The following RUNX1T1 variants were observed in gnomAD, a reference collection of about 807,000 sequenced individuals.
RUNX1T1 encodes protein CBFA2T1.
RUNX1T1 carries 4 observed loss-of-function variants against 62.8 expected under a neutral mutation model. The observed-to-expected ratio is 0.06, with a 90% confidence interval of 0.03 to 0.15. RUNX1T1 has a LOEUF of 0.15. RUNX1T1 is among the 10% of genes least tolerant of loss of function. The pLI is 1.00. For synonymous variants in RUNX1T1, 291 were observed against 286.0 expected (o/e 1.02, Z -0.18); for missense variants, 508 against 754.3 (o/e 0.67, Z 3.82).
At chr8:92,002,445 T>C (rs1819945504) in intron 5 of RUNX1T1, among the ~76,000 whole-genome samples, 2 of 152,138 alleles carry the variant, frequency 1.3e-5, no homozygotes, top group African/African-American at 4.8e-5. Context: ...CAATCATATT[T>C]AAGGACAAGA....
Position 92,005,351 on chromosome 8 carries a change from G to A in RUNX1T1, c.478-54C>T, listed in dbSNP as rs1477791956. ...CGGACTGAAAGTTTTCTTCTGTCCT[G>A]TTGACTTACTCTGCTTTTCGAACAC... On this transcript the variant is annotated intron_variant, in intron 4 of 10. Transcript: ENST00000396218. 6 of 1,513,698 alleles carry A rather than the reference G, an allele frequency of 4.0e-6. No individual in the cohort carries two copies. In the South Asian group the frequency reaches 7.0e-5, roughly 18 times the overall value. 93.8% of individuals were successfully genotyped at this position (1,513,698 alleles called of 1,614,324 possible).
chr8:91,960,245 G>C, exon 11 of RUNX1T1: 1 of 1,607,900 alleles, frequency 6.2e-7, no homozygotes, highest in Non-Finnish European at 8.5e-7. Context: ...TTCACGTCTA[G>C]CGAGGGGTTG....
At chr8:91,996,381 T>C (rs908259352) in intron 5 of RUNX1T1, among the ~76,000 whole-genome samples, 2 of 152,070 alleles carry the variant, frequency 1.3e-5, no homozygotes, top group Non-Finnish European at 2.9e-5. Context: ...TTTTGTATTT[T>C]TAGTAGAGAC....
At position 92,077,179 on chromosome 8, in the gene RUNX1T1, T is replaced by C. The variant is rs551285877; in HGVS notation, c.-85-1042A>G. Among the ~76,000 whole-genome samples, 56 of 152,260 alleles carry C rather than the reference T, an allele frequency of 3.7e-4. 1 individual carries two copies. Among genetic ancestry groups the C allele is most frequent in the African/African-American group, 1.3e-3 (55 of 41,566 alleles). ...TATGATTCTTTTGTGATGCAATCAGTTGTTTCTTGCTCTTTAAGGTTTAAA... is the reference window on the plus strand; with the variant it reads ...TATGATTCTTTTGTGATGCAATCAGCTGTTTCTTGCTCTTTAAGGTTTAAA... On this transcript the variant is annotated intron_variant, in intron 1 of 11. Coordinates refer to the RUNX1T1 transcript ENST00000265814.
chr8:92,016,465 G>A (rs1041236913), intron 2 of RUNX1T1, among the ~76,000 whole-genome samples: 1 of 152,066 alleles, frequency 6.6e-6, no homozygotes, highest in Non-Finnish European at 1.5e-5. Flanking sequence ...TCACGAGGTC[G>A]GAAGTTCAAG....
intron 5 of RUNX1T1, among the ~76,000 whole-genome samples, chr8:91,993,636 C>T (rs997383930): frequency 5.3e-5 from 8 of 152,034 alleles, no homozygotes; most frequent in Admixed American, 6.6e-5. Flanking sequence ...GCTTTTTTCC[C>T]CCCAGCTCCT....
At chr8:92,101,447 C>T (rs913356398), upstream of RUNX1T1, among the ~76,000 whole-genome samples, 5 of 152,170 alleles carry the variant, frequency 3.3e-5, no homozygotes, top group African/African-American at 1.2e-4. Context: ...GCAGGACCTC[C>T]TCCACGGGAA....
intron 5 of RUNX1T1, chr8:92,003,376 A>G (rs1212448122): frequency 2.2e-6 from 1 of 456,110 alleles, no homozygotes; most frequent in African/African-American, 2.0e-5. Context: ...CTGGTGGGAA[A>G]ATAGCTGGAA....
intron 1 of RUNX1T1, among the ~76,000 whole-genome samples, chr8:92,062,157 T>A (rs1373649851): frequency 6.6e-6 from 1 of 152,200 alleles, no homozygotes. Context: ...TGCCATAATC[T>A]GAAAACTCTC....
At chr8:92,030,987 T>C (rs897879794) in intron 1 of RUNX1T1, among the ~76,000 whole-genome samples, 2 of 152,224 alleles carry the variant, frequency 1.3e-5, no homozygotes, top group African/African-American at 4.8e-5. Context: ...CATTGATAGT[T>C]ATATGTGGAA....
At chr8:92,042,667 C>A (rs1257847108) in intron 1 of RUNX1T1, among the ~76,000 whole-genome samples, 1 of 152,144 alleles carries the variant, frequency 6.6e-6, no homozygotes, top group Non-Finnish European at 1.5e-5. Flanking sequence ...CTGGCAACTG[C>A]CTCTGTAAGT....
At position 91,979,284 on chromosome 8, in the gene RUNX1T1, C is replaced by T. The variant is rs577329664; in HGVS notation, c.1199-3311G>A. 5.9e-5 allele frequency among the ~76,000 whole-genome samples: 9 copies of T among 152,230 alleles called. No individual in the cohort carries two copies. The South Asian group carries it at 1.9e-3, about 32-fold the overall frequency. ...TGAGTTTGAAAAACAAAACAAGGGA[C>T]AATTCTCTCCTAGGACTTTACTATT... On this transcript the variant is annotated intron_variant, in intron 8 of 10. Transcript: ENST00000396218.
upstream of RUNX1T1, among the ~76,000 whole-genome samples, chr8:92,066,195 C>T (rs185035499): frequency 6.6e-6 from 1 of 152,090 alleles, no homozygotes; most frequent in Non-Finnish European, 1.5e-5. Flanking sequence ...CAATGATCAC[C>T]CAACGAGCAT....
At chr8:92,039,632 A>G (rs887277798) in intron 1 of RUNX1T1, among the ~76,000 whole-genome samples, 24 of 152,298 alleles carry the variant, frequency 1.6e-4, no homozygotes, top group African/African-American at 5.8e-4. Flanking sequence ...GCCATTGAGT[A>G]TCTCTGCACT....
At chr8:91,990,184 A>C (rs1817376651) in intron 6 of RUNX1T1, among the ~76,000 whole-genome samples, 1 of 152,186 alleles carries the variant, frequency 6.6e-6, no homozygotes, top group Non-Finnish European at 1.5e-5. Flanking sequence ...AAAAACAAAA[A>C]AACAAACAAA....
At chr8:92,051,981 G>A (rs1038697385) in intron 1 of RUNX1T1, among the ~76,000 whole-genome samples, 19 of 151,908 alleles carry the variant, frequency 1.3e-4, no homozygotes, top group Non-Finnish European at 2.8e-4. Flanking sequence ...GTCCTCCAGG[G>A]CTGCTCCTCT....
upstream of RUNX1T1, among the ~76,000 whole-genome samples, chr8:92,101,859 G>C (rs1292937177): frequency 5.3e-5 from 8 of 152,196 alleles, no homozygotes; most frequent in Admixed American, 5.2e-4. Flanking sequence ...AGAGGTCTGG[G>C]TGCGCCAACC....
intron 8 of RUNX1T1, among the ~76,000 whole-genome samples, chr8:91,985,651 A>G (rs1003680020): frequency 5.9e-5 from 9 of 152,110 alleles, no homozygotes; most frequent in African/African-American, 2.2e-4. Context: ...AAATATATAT[A>G]TATATGATTC....
At chr8:92,064,522 G>A (rs776234844), upstream of RUNX1T1, among the ~76,000 whole-genome samples, 3 of 152,114 alleles carry the variant, frequency 2.0e-5, no homozygotes, top group Non-Finnish European at 2.9e-5. Context: ...ATTAAGTCCT[G>A]CTATAAGGGC....
Sources: gnomAD v4.1 joint callset for allele counts (sites outside exome capture counted in the v4.1 genomes callset) on GRCh38, gnomAD v4.1.1 for gene constraint, MANE v1.5 for transcripts, NCBI Gene and HGNC (gene_info 2026-07-23, HGNC 2026-07-21) for gene names.